HIVEP1: variants seen among roughly 807,000 people sequenced by gnomAD.
The protein encoded by HIVEP1 is zinc finger protein 40.
HIVEP1 carries 36 observed loss-of-function variants against 180.0 expected under a neutral mutation model. The observed-to-expected ratio is 0.20, with a 90% confidence interval of 0.15 to 0.26. HIVEP1 has a LOEUF of 0.26. HIVEP1 is among the 10% of genes least tolerant of loss of function. HIVEP1 has a pLI of 1.00. For missense variants in HIVEP1, 3,143 were observed against 3,268.7 expected (o/e 0.96, Z 0.94); for synonymous variants, 1,239 against 1,239.0 (o/e 1.00, Z 0.00).
intron 3 of HIVEP1, among the ~76,000 whole-genome samples, chr6:12,106,540 T>A (rs1452763010): frequency 6.6e-6 from 1 of 152,182 alleles, no homozygotes; most frequent in Admixed American, 6.5e-5. Context: ...AACTAATCAT[T>A]TATGGCATAA....
At chr6:12,021,563 C>T (rs544507829) in intron 2 of HIVEP1, among the ~76,000 whole-genome samples, 2 of 152,328 alleles carry the variant, frequency 1.3e-5, no homozygotes, top group South Asian at 2.1e-4. Flanking sequence ...TACAATATTA[C>T]ATCATGATCA....
rs1758379834 is a variant in HIVEP1, at chr6:12,130,859, G to A, written c.6302G>A (p.Ser2101Asn). 6.2e-7 allele frequency: 1 copy of A among 1,612,852 alleles called. No individual in the cohort carries two copies. The highest frequency in any genetic ancestry group is 8.5e-7 in the Non-Finnish European group (1 of 1,178,904). Reference sequence around the variant, plus strand: ...TGTGGAATACGTTGTAAGAAACCTAGCATGTTAAAGAAACACATACGAACC... The same window carrying A: ...TGTGGAATACGTTGTAAGAAACCTAACATGTTAAAGAAACACATACGAACC... ...EECGIRCKKP[S>N]MLKKHIRTHT... is the part of the protein sequence containing the mutation. The change falls in exon 6 of 9, where the codon AGC (serine) becomes AAC (asparagine). Residue 2101 changes from serine to asparagine, a missense_variant. Physicochemically the swap from Ser to Asn is conservative, Grantham distance 46 (BLOSUM62 1). Coordinates refer to ENST00000379388, the MANE Select transcript of HIVEP1 (RefSeq NM_002114.4).
chr6:12,143,602 G>C (rs1287008642), intron 7 of HIVEP1, among the ~76,000 whole-genome samples: 4 of 152,208 alleles, frequency 2.6e-5, no homozygotes, highest in African/African-American at 9.7e-5. Context: ...AATTGTCCCT[G>C]TTTGCAGATG....
At chr6:12,014,894 G>A (rs558348652) in intron 1 of HIVEP1, among the ~76,000 whole-genome samples, 1 of 152,346 alleles carries the variant, frequency 6.6e-6, no homozygotes, top group South Asian at 2.1e-4. Flanking sequence ...TGACTTTGTG[G>A]TGGTGTCAGA....
chr6:12,024,953 A>G (rs1338366314), intron 2 of HIVEP1, among the ~76,000 whole-genome samples: 1 of 152,246 alleles, frequency 6.6e-6, no homozygotes, highest in East Asian at 1.9e-4. Context: ...GTGGTTTTAT[A>G]TAGGTCTTAC....
chr6:12,015,740 A>C, intron 2 of HIVEP1, 72 bp downstream of exon 2: 3 of 1,407,700 alleles, frequency 2.1e-6, no homozygotes, highest in Non-Finnish European at 3.0e-6. Context: ...TGGTGACAGG[A>C]ATGGCCGTTT....
intron 2 of HIVEP1, among the ~76,000 whole-genome samples, chr6:12,043,981 A>T (rs1769949701): frequency 6.6e-6 from 1 of 152,014 alleles, no homozygotes; most frequent in Admixed American, 6.6e-5. Flanking sequence ...TATATGGAGA[A>T]TTGTTGAAGA....
chr6:12,126,304 A>G (rs1421704335), intron 4 of HIVEP1, among the ~76,000 whole-genome samples: 1 of 152,236 alleles, frequency 6.6e-6, no homozygotes. Context: ...ATCCTGAAAT[A>G]TAAGCAGAAA....
At chr6:12,012,893 C>G (rs935089503) in intron 1 of HIVEP1, 1 of 152,620 alleles carries the variant, frequency 6.6e-6, no homozygotes, top group Non-Finnish European at 1.5e-5. Flanking sequence ...AACCTCCCGG[C>G]TTTGTGGGTT....
chr6:12,149,490 T>C (rs1759567357), intron 7 of HIVEP1, among the ~76,000 whole-genome samples: 1 of 152,190 alleles, frequency 6.6e-6, no homozygotes, highest in African/African-American at 2.4e-5. Flanking sequence ...ACTAAACACT[T>C]AAGAGGCAGT....
chr6:12,146,007 G>C (rs1204420429), intron 7 of HIVEP1, among the ~76,000 whole-genome samples: 1 of 152,196 alleles, frequency 6.6e-6, no homozygotes, highest in African/African-American at 2.4e-5. Flanking sequence ...GGATATGTAA[G>C]AACATGCTTC....
At chr6:12,175,804 A>G in the HIVEP1 span, among the ~76,000 whole-genome samples, 1 of 152,156 alleles carries the variant, frequency 6.6e-6, no homozygotes, top group African/African-American at 2.4e-5. Flanking sequence ...CAGCTGGCGG[A>G]ACAGTGTGTG....
At chr6:12,039,251 A>G (rs1769504527) in intron 2 of HIVEP1, 5 of 152,186 alleles carry the variant, frequency 3.3e-5, no homozygotes, top group Admixed American at 3.3e-4. Flanking sequence ...ATCAACAGGC[A>G]TTGTCTTTTG....
chr6:12,186,276 A>G, the HIVEP1 span, among the ~76,000 whole-genome samples: 1 of 150,546 alleles, frequency 6.6e-6, no homozygotes, highest in African/African-American at 2.4e-5. Context: ...ATACATATAT[A>G]CATATAATTA....
At chr6:12,015,745 C>A in intron 2 of HIVEP1, 77 bp downstream of exon 2, 2 of 1,354,164 alleles carry the variant, frequency 1.5e-6, no homozygotes, top group Non-Finnish European at 2.1e-6. Context: ...ACAGGAATGG[C>A]CGTTTGTTAG....
chr6:12,113,778 G>C (rs530895017), intron 3 of HIVEP1, among the ~76,000 whole-genome samples: 17 of 152,080 alleles, frequency 1.1e-4, no homozygotes, highest in Admixed American at 2.0e-4. Context: ...TCCCTAACTG[G>C]AAAGGACTTG....
At chr6:12,068,633 T>C (rs1161753795) in intron 2 of HIVEP1, among the ~76,000 whole-genome samples, 2 of 152,172 alleles carry the variant, frequency 1.3e-5, no homozygotes, top group East Asian at 3.8e-4. Flanking sequence ...GCACACGTAT[T>C]TGTGAAGATA....
At chr6:12,207,252 A>G in the HIVEP1 span, among the ~76,000 whole-genome samples, 2 of 152,216 alleles carry the variant, frequency 1.3e-5, no homozygotes, top group African/African-American at 4.8e-5. Context: ...CCTAGCATAT[A>G]TGATGAAAAG....
At position 12,120,975 on chromosome 6, in the gene HIVEP1, C is replaced by A. The variant is rs781655698; in HGVS notation, c.1180C>A (p.Leu394Ile). Residue 394 changes from leucine to isoleucine, a missense_variant, in exon 4 of 9, where the codon CTT (leucine) becomes ATT (isoleucine). Physicochemically the swap from Leu to Ile is conservative, Grantham distance 5. This residue lies in a region of HIVEP1 where 306 missense variants were observed against 310.6 expected (regional missense o/e 0.99). Transcript: ENST00000379388. ...AAGCGTAGAGCAAATGTGCAATCTT[C>A]TTCTGAAAGATCAGAAGCCAAAAAA... ...NQSVEQMCNL[L>I]LKDQKPKKQG... The A allele has an allele frequency of 3.1e-5, 50 of 1,614,032 alleles. No individual in the cohort carries two copies. The highest frequency in any genetic ancestry group is 3.9e-5 in the Non-Finnish European group (46 of 1,180,014).
Sources: gnomAD v4.1 joint callset for allele counts (sites outside exome capture counted in the v4.1 genomes callset) on GRCh38, gnomAD v4.1.1 for gene constraint, gnomAD v4.1.1 regional missense constraint, MANE v1.5 for transcripts, NCBI Gene and HGNC (gene_info 2026-07-23, HGNC 2026-07-21) for gene names.